Variants in CNTN5 observed in about 807,000 individuals in gnomAD.
The protein encoded by CNTN5 is contactin 5, also known as contactin-5.
In CNTN5, 77 loss-of-function variants were observed where a neutral mutation model predicts 129.1. That is an observed-to-expected ratio of 0.60 (90% confidence interval 0.50 to 0.72). CNTN5 has a LOEUF of 0.72. Among genes scored for constraint, CNTN5 ranks in the 30% least tolerant of loss-of-function variants. The pLI, the probability that CNTN5 is intolerant of heterozygous loss-of-function variation, is 0.00. For synonymous variants in CNTN5, 509 were observed against 465.6 expected (o/e 1.09, Z -1.20); for missense variants, 1,478 against 1,328.8 (o/e 1.11, Z -1.75).
chr11:99,323,199 C>G (rs780537107), intron 1 of CNTN5, among the ~76,000 whole-genome samples: 3 of 152,136 alleles, frequency 2.0e-5, no homozygotes, highest in Non-Finnish European at 2.9e-5. Flanking sequence ...GATCTGACAT[C>G]ATTACCCCCA....
intron 4 of CNTN5, among the ~76,000 whole-genome samples, chr11:99,840,986 A>G (rs1379430875): frequency 6.6e-6 from 1 of 152,140 alleles, no homozygotes; most frequent in Non-Finnish European, 1.5e-5. Flanking sequence ...TTTGCTGGGG[A>G]CTGGGAAGCT....
chr11:99,559,599 CAGTG>C (rs1238345732), intron 3 of CNTN5, among the ~76,000 whole-genome samples: 1 of 152,146 alleles, frequency 6.6e-6, no homozygotes, highest in Non-Finnish European at 1.5e-5. Flanking sequence ...CTCTCATTGA[CAGTG>C]AGAATTCAAC....
At chr11:99,302,735 A>G (rs1187454743) in intron 1 of CNTN5, among the ~76,000 whole-genome samples, 2 of 151,704 alleles carry the variant, frequency 1.3e-5, no homozygotes, top group South Asian at 2.1e-4. Context: ...TAAATGGGTG[A>G]ATATTATGGT....
intron 20 of CNTN5, among the ~76,000 whole-genome samples, chr11:100,300,165 T>A (rs1951187080): frequency 6.6e-6 from 1 of 151,496 alleles, no homozygotes; most frequent in Non-Finnish European, 1.5e-5. Context: ...GTGGTTATAC[T>A]CAATACATGA....
chr11:99,891,556 C>T (rs1481351607), intron 6 of CNTN5, among the ~76,000 whole-genome samples: 3 of 152,092 alleles, frequency 2.0e-5, no homozygotes, highest in Non-Finnish European at 4.4e-5. Flanking sequence ...GCTCAACTCC[C>T]ACTTATGAGT....
chr11:99,607,844 G>A (rs558643712), intron 3 of CNTN5, among the ~76,000 whole-genome samples: 18 of 129,050 alleles, frequency 1.4e-4, no homozygotes, highest in East Asian at 8.7e-4. Context: ...GTAAACTATC[G>A]CAAGAACAAA....
chr11:99,893,356 G>T (rs1949115427), intron 6 of CNTN5, among the ~76,000 whole-genome samples: 2 of 152,086 alleles, frequency 1.3e-5, no homozygotes, highest in South Asian at 4.1e-4. Context: ...ATAATAGGTG[G>T]ACAACTTGGA....
At chr11:99,646,835 A>C (rs918219587) in intron 3 of CNTN5, among the ~76,000 whole-genome samples, 1 of 151,660 alleles carries the variant, frequency 6.6e-6, no homozygotes, top group African/African-American at 2.4e-5. Context: ...AAAGGAAAAA[A>C]ACCCTAGACT....
At position 100,061,288 on chromosome 11, in the gene CNTN5, G is replaced by T. The variant is rs745905925; in HGVS notation, c.1057G>T (p.Val353Leu). The stretch of plus-strand genomic sequence containing the variant: ...GGCACGTCTGCGGAAATCTCAGGCG[G>T]TGCTGGAAATACCGAATGTACAGCT... The part of the protein sequence containing the change: ...SKARLRKSQA[V>L]LEIPNVQLDD... Residue 353 changes from valine to leucine, a missense_variant, in exon 10 of 25, where the codon GTG becomes TTG. Val to Leu is a conservative substitution (Grantham distance 32). Transcript: ENST00000524871. The T allele has an allele frequency of 5.0e-6, 8 of 1,613,478 alleles. No homozygotes were observed. The African/African-American group carries it at 1.1e-4, about 22-fold the overall frequency.
chr11:99,499,465 G>A (rs1375096997), intron 2 of CNTN5, among the ~76,000 whole-genome samples: 1 of 152,136 alleles, frequency 6.6e-6, no homozygotes, highest in Non-Finnish European at 1.5e-5. Context: ...TCCATAGGAT[G>A]CAGCCCTCAC....
chr11:100,002,468 GA>G (rs1415266450), intron 9 of CNTN5, among the ~76,000 whole-genome samples: 1 of 152,118 alleles, frequency 6.6e-6, no homozygotes, highest in African/African-American at 2.4e-5. Flanking sequence ...AAAGAAGATA[GA>G]AAGGCAAAGT....
At chr11:99,369,775 T>C (rs145748979) in intron 2 of CNTN5, among the ~76,000 whole-genome samples, 24 of 152,282 alleles carry the variant, frequency 1.6e-4, no homozygotes, top group African/African-American at 5.8e-4. Context: ...TGAATACTTA[T>C]ATCTGCCAGG....
At chr11:100,318,728 T>C (rs1951618283) in intron 21 of CNTN5, among the ~76,000 whole-genome samples, 1 of 152,120 alleles carries the variant, frequency 6.6e-6, no homozygotes, top group South Asian at 2.1e-4. Context: ...GATAGAGGAG[T>C]ACTAAATCTA....
At chr11:99,492,075 T>C (rs1946057778) in intron 2 of CNTN5, among the ~76,000 whole-genome samples, 1 of 152,148 alleles carries the variant, frequency 6.6e-6, no homozygotes, top group Non-Finnish European at 1.5e-5. Context: ...GTGCAGTAGA[T>C]ACATTATCTT....
At chr11:99,568,039 G>A (rs765189240) in intron 3 of CNTN5, among the ~76,000 whole-genome samples, 1 of 152,160 alleles carries the variant, frequency 6.6e-6, no homozygotes, top group Non-Finnish European at 1.5e-5. Flanking sequence ...GTGTCTCAGT[G>A]TATTGGAGAT....
At chr11:99,873,701 A>G (rs916706919) in intron 6 of CNTN5, among the ~76,000 whole-genome samples, 1 of 152,168 alleles carries the variant, frequency 6.6e-6, no homozygotes, top group African/African-American at 2.4e-5. Context: ...TAGCAGTCCC[A>G]CTACTGGCTA....
chr11:99,709,249 G>GT (rs1246948833), intron 3 of CNTN5, among the ~76,000 whole-genome samples: 1 of 151,540 alleles, frequency 6.6e-6, no homozygotes, highest in Non-Finnish European at 1.5e-5. Context: ...TTAAATGAAC[G>GT]TAAGATTCAG....
At chr11:99,812,039 T>G (rs1226462187) in intron 3 of CNTN5, among the ~76,000 whole-genome samples, 1 of 152,052 alleles carries the variant, frequency 6.6e-6, no homozygotes, top group African/African-American at 2.4e-5. Context: ...ACCAGGAAAG[T>G]GAAGTAGTAT....
intron 17 of CNTN5, among the ~76,000 whole-genome samples, chr11:100,262,739 G>A (rs1332891831): frequency 6.6e-6 from 1 of 152,104 alleles, no homozygotes; most frequent in African/African-American, 2.4e-5. Context: ...AGTTGAACAA[G>A]GAAAACACAT....
Sources: allele counts gnomAD v4.1 joint callset (sites outside exome capture counted in the v4.1 genomes callset), GRCh38; gene constraint gnomAD v4.1.1; transcripts MANE v1.5; gene names NCBI Gene and HGNC (gene_info 2026-07-23, HGNC 2026-07-21).